OSBPL6: variants seen among roughly 807,000 people sequenced by gnomAD.
OSBPL6 encodes oxysterol-binding protein-related protein 6.
In OSBPL6, 49 loss-of-function variants were observed where a neutral mutation model predicts 125.8. The ratio of observed to expected loss-of-function variants is 0.39; its 90% CI spans 0.31 to 0.49. The LOEUF is 0.49. Ranked by LOEUF, OSBPL6 falls within the 20% of genes least tolerant of loss-of-function variation. OSBPL6 has a pLI of 0.88. For synonymous variants in OSBPL6, 394 were observed against 391.8 expected (o/e 1.01, Z -0.07); for missense variants, 986 against 1,135.4 (o/e 0.87, Z 1.89).
intron 1 of OSBPL6, among the ~76,000 whole-genome samples, chr2:178,261,423 G>A (rs1038286406): frequency 6.7e-6 from 1 of 149,842 alleles, no homozygotes; most frequent in Admixed American, 6.7e-5. Context: ...GAAGAAAAAC[G>A]TAAGAGAACT....
Position 178,391,237 on chromosome 2 carries a change from T to C in OSBPL6, c.2446+20T>C. The C allele has an allele frequency of 6.3e-7, 1 of 1,579,886 alleles. No homozygotes were observed. Among genetic ancestry groups the C allele is most frequent in the Non-Finnish European group, 8.6e-7 (1 of 1,164,514 alleles). ...GACCAGGTGAGAGTGGCCTGAGTGT[T>C]CTGCCAACAGGAGGGCACTATGGAC... On this transcript the variant is annotated intron_variant, in intron 22 of 24. Coordinates refer to ENST00000190611, the MANE Select transcript of OSBPL6 (RefSeq NM_032523.4).
chr2:178,302,693 A>G (rs921617684), intron 2 of OSBPL6, among the ~76,000 whole-genome samples: 1 of 152,234 alleles, frequency 6.6e-6, no homozygotes, highest in Admixed American at 6.5e-5. Context: ...GCTATTATTC[A>G]ACATATTTAA....
At chr2:178,289,390 G>A (rs538557416) in intron 2 of OSBPL6, among the ~76,000 whole-genome samples, 1 of 152,080 alleles carries the variant, frequency 6.6e-6, no homozygotes, top group Non-Finnish European at 1.5e-5. Context: ...TATAAGAATA[G>A]CATAATGAAC....
chr2:178,223,522 T>C (rs1206505028), intron 1 of OSBPL6, among the ~76,000 whole-genome samples: 2 of 152,244 alleles, frequency 1.3e-5, no homozygotes, highest in Non-Finnish European at 2.9e-5. Flanking sequence ...GTTTATTAAA[T>C]ACGTTTTACA....
In OSBPL6 at chr2:178,389,027, G is replaced by A; in HGVS notation, c.2175G>A (p.Val725=). The change falls in exon 21 of 25, where the codon GTG becomes GTA. Residue 725 remains valine (V), a synonymous_variant. Coordinates refer to ENST00000190611, the MANE Select transcript of OSBPL6 (RefSeq NM_032523.4). ...VMLPKYGDYY[V]WNKVTTCIHN... is the part of the protein sequence containing the mutation. Reference sequence around the variant, plus strand: ...TCACTAGGTATGGAGATTACTATGTGTGGAATAAAGTCACCACTTGCATAC... The same window carrying A: ...TCACTAGGTATGGAGATTACTATGTATGGAATAAAGTCACCACTTGCATAC... 6.2e-7 allele frequency: 1 copy of A among 1,613,938 alleles called. No homozygotes were observed. Among genetic ancestry groups the A allele is most frequent in the Non-Finnish European group, 8.5e-7 (1 of 1,179,962 alleles).
chr2:178,324,974 A>G (rs1483755203), intron 4 of OSBPL6, among the ~76,000 whole-genome samples: 2 of 152,192 alleles, frequency 1.3e-5, no homozygotes. Flanking sequence ...CTTCCTAGCA[A>G]TGAGCTCGTG....
At chr2:178,264,633 CTG>C (rs2092170407) in intron 1 of OSBPL6, among the ~76,000 whole-genome samples, 1 of 152,184 alleles carries the variant, frequency 6.6e-6, no homozygotes, top group South Asian at 2.1e-4. Context: ...AATACTTCCT[CTG>C]TGTGTGTATT....
chr2:178,336,361 A>T lies in OSBPL6; in HGVS notation c.718A>T (p.Thr240Ser), dbSNP rs957888567. Residue 240 changes from threonine to serine, a missense_variant, in exon 9 of 25, where the codon ACG becomes TCG. By Grantham distance (58) the Thr-to-Ser change is moderately conservative (BLOSUM62 1). Transcript: ENST00000190611. ...ACCATGCAGCAATAGCCTCCCTGCA[A>T]CGTGCACAACTGGCCAGAGTAAAGT... Reference protein sequence around the residue: ...PLPCSNSLPATCTTGQSKVAA... With the variant: ...PLPCSNSLPASCTTGQSKVAA... The T allele has an allele frequency of 3.7e-6, 6 of 1,614,138 alleles. No individual in the cohort carries two copies. The highest frequency in any genetic ancestry group is 5.1e-6 in the Non-Finnish European group (6 of 1,179,996).
At position 178,332,311 on chromosome 2, in the gene OSBPL6, C is replaced by T. The variant is rs139495697; in HGVS notation, c.373-330C>T. 3.4e-3 allele frequency among the ~76,000 whole-genome samples: 514 copies of T among 152,260 alleles called. 2 individuals carry two copies. Among genetic ancestry groups the T allele is most frequent in the African/African-American group, 0.012 (489 of 41,548 alleles). ...TCTGGGTTATACGTCAAAGATTGACCGCAGTTATTTTAGGACCGCTAAAGA... is the reference window on the plus strand; with the variant it reads ...TCTGGGTTATACGTCAAAGATTGACTGCAGTTATTTTAGGACCGCTAAAGA... On this transcript the variant is annotated intron_variant, in intron 6 of 24. Coordinates refer to ENST00000190611, the MANE Select transcript of OSBPL6 (RefSeq NM_032523.4).
chr2:178,334,090 ATGT>A (rs1689460545), intron 8 of OSBPL6, among the ~76,000 whole-genome samples: 1 of 152,130 alleles, frequency 6.6e-6, no homozygotes, highest in Non-Finnish European at 1.5e-5. Flanking sequence ...AAAGCAAGAG[ATGT>A]TGTTTGTTAA....
intron 1 of OSBPL6, among the ~76,000 whole-genome samples, chr2:178,222,060 A>G (rs1425554844): frequency 1.3e-5 from 2 of 152,158 alleles, no homozygotes; most frequent in African/African-American, 4.8e-5. Flanking sequence ...CATCAACTAA[A>G]GAGTCACCTT....
At chr2:178,228,282 T>A (rs1337837869) in intron 1 of OSBPL6, among the ~76,000 whole-genome samples, 1 of 152,210 alleles carries the variant, frequency 6.6e-6, no homozygotes, top group African/African-American at 2.4e-5. Context: ...ATGCCTGTAA[T>A]CCCAGCACTT....
chr2:178,335,747 T>A (rs756735088), intron 8 of OSBPL6, among the ~76,000 whole-genome samples: 7 of 152,204 alleles, frequency 4.6e-5, no homozygotes, highest in Non-Finnish European at 7.3e-5. Flanking sequence ...ATAAAATCTT[T>A]TTAATGAGAA....
At chr2:178,229,445 G>T (rs1262004999) in intron 1 of OSBPL6, among the ~76,000 whole-genome samples, 4 of 152,144 alleles carry the variant, frequency 2.6e-5, no homozygotes, top group South Asian at 4.1e-4. Context: ...GGAAAAGCAG[G>T]TCTAGATCAT....
intron 1 of OSBPL6, among the ~76,000 whole-genome samples, chr2:178,198,166 G>A (rs553944278): frequency 6.6e-6 from 1 of 152,310 alleles, no homozygotes; most frequent in South Asian, 2.1e-4. Context: ...TGCTGATTGA[G>A]ATGAGAGTTC....
At position 178,398,136 on chromosome 2, in the gene OSBPL6, TACTC is replaced by T. The variant is rs1050479222; in HGVS notation, c.*2578_*2581del. ...ATGGTGGTTATAAAATGAAGAGACT[TACTC>T]TATTGGAATTTTCATCTACGTAGTA... is the stretch of plus-strand genomic sequence containing the variant. On this transcript the variant is annotated 3_prime_UTR_variant, in exon 25 of 25. Transcript: ENST00000190611. 7.9e-5 allele frequency: 12 copies of T among 152,340 alleles called. No homozygotes were observed. The highest frequency in any genetic ancestry group is 7.8e-4 in the Admixed American group (12 of 15,302). The allele number at this position is 152,340 out of a possible 1,614,324, so 9.4% of individuals were successfully genotyped here.
At chr2:178,327,773 C>T (rs143891321) in intron 4 of OSBPL6, among the ~76,000 whole-genome samples, 319 of 152,140 alleles carry the variant, frequency 2.1e-3, no homozygotes, top group African/African-American at 7.2e-3. Context: ...CGAGAGCAGC[C>T]GTGACCACAG....
Position 178,324,261 on chromosome 2 carries a change from C to G in OSBPL6, c.187C>G (p.Leu63Val), listed in dbSNP as rs770304042. 28 of 1,567,478 alleles carry G rather than the reference C, an allele frequency of 1.8e-5. No homozygotes were observed. The highest frequency in any genetic ancestry group is 1.2e-5 in the Non-Finnish European group (14 of 1,149,560). Residue 63 changes from leucine (L) to valine (V), a missense_variant, in exon 4 of 25, where the codon CTC (leucine) becomes GTC (valine). Leu to Val is a conservative substitution (Grantham distance 32). Coordinates refer to ENST00000190611, the MANE Select transcript of OSBPL6 (RefSeq NM_032523.4). Reference protein sequence around the residue: ...RQLLEPEPVPLSKEADSWEII... With the variant: ...RQLLEPEPVPVSKEADSWEII... ...ATTGCTAGAACCGGAGCCAGTCCCC[C>G]TCTCCAAGGTCAGTGATGAAATGCG... is the stretch of plus-strand genomic sequence containing the variant.
intron 1 of OSBPL6, among the ~76,000 whole-genome samples, chr2:178,223,750 C>T (rs1455223366): frequency 6.6e-6 from 1 of 152,168 alleles, no homozygotes; most frequent in Admixed American, 6.6e-5. Flanking sequence ...ATTCTCAAAT[C>T]TGGTATCTTT....
Sources: gnomAD v4.1 joint callset for allele counts (sites outside exome capture counted in the v4.1 genomes callset) on GRCh38, gnomAD v4.1.1 for gene constraint, MANE v1.5 for transcripts, NCBI Gene and HGNC (gene_info 2026-07-23, HGNC 2026-07-21) for gene names.